TRAPPC9: variants seen among roughly 807,000 people sequenced by gnomAD.
TRAPPC9 encodes the protein trafficking protein particle complex subunit 9, also known as IKK2 binding protein.
In TRAPPC9, 83 loss-of-function variants were observed where a neutral mutation model predicts 124.0. The ratio of observed to expected loss-of-function variants is 0.67; its 90% CI spans 0.56 to 0.80. The LOEUF (loss-of-function observed/expected upper bound fraction) is 0.80, where lower values mean the gene tolerates loss of function less well. TRAPPC9 is among the 30% of genes least tolerant of loss of function. TRAPPC9 has a pLI of 0.00. For synonymous variants in TRAPPC9, 638 were observed against 617.5 expected, an observed-to-expected ratio of 1.03 and a Z score of -0.49; for missense variants, 1,302 against 1,508.3, an observed-to-expected ratio of 0.86 and a Z score of 2.27.
At chr8:140,044,730 T>C (rs191782315) in intron 17 of TRAPPC9, among the ~76,000 whole-genome samples, 14 of 152,306 alleles carry the variant, frequency 9.2e-5, no homozygotes, top group Admixed American at 2.0e-4. Context: ...TCGGGGAGAA[T>C]AAGTCCCTAT....
intron 15 of TRAPPC9, among the ~76,000 whole-genome samples, chr8:140,272,986 A>C (rs938294050): frequency 6.6e-6 from 1 of 152,200 alleles, no homozygotes; most frequent in Non-Finnish European, 1.5e-5. Context: ...TTACATGCCA[A>C]GCACTGTCTC....
chr8:140,440,461 C>T (rs2070973106), intron 2 of TRAPPC9, among the ~76,000 whole-genome samples: 1 of 151,810 alleles, frequency 6.6e-6, no homozygotes, highest in Admixed American at 6.6e-5. Context: ...GAGCCGAGAT[C>T]ATGCCACTGC....
At chr8:140,119,842 T>C (rs2060952698) in intron 17 of TRAPPC9, among the ~76,000 whole-genome samples, 1 of 152,132 alleles carries the variant, frequency 6.6e-6, no homozygotes, top group South Asian at 2.1e-4. Flanking sequence ...GAACCCCCCT[T>C]CCTCTCACCT....
At chr8:140,027,231 G>A (rs946438780) in intron 17 of TRAPPC9, among the ~76,000 whole-genome samples, 2 of 152,192 alleles carry the variant, frequency 1.3e-5, no homozygotes, top group Admixed American at 1.3e-4. Flanking sequence ...TGTAAATGCT[G>A]AGTGAGGCAA....
At chr8:140,173,654 C>A (rs1303244795) in intron 17 of TRAPPC9, among the ~76,000 whole-genome samples, 1 of 152,150 alleles carries the variant, frequency 6.6e-6, no homozygotes, top group East Asian at 1.9e-4. Context: ...CTTCTGGTCC[C>A]CACATACCTC....
rs1456189399 is a variant in TRAPPC9 at position 140,243,555 on chromosome 8, G to A, written c.2431+9222C>T. Among the ~76,000 whole-genome samples the A allele has an allele frequency of 2.0e-5, 3 of 152,136 alleles. No homozygotes were observed. The East Asian group carries it at 5.8e-4, about 29-fold the overall frequency. ...ATACAGATAAGCATATTTTCCCCAT[G>A]GTGTTCAAATTCATGGGATAAAATG... On this transcript the variant is annotated intron_variant, in intron 16 of 22. Coordinates refer to ENST00000438773, the MANE Select transcript of TRAPPC9 (RefSeq NM_001160372.4).
chr8:140,193,964 A>G (rs2062566940), intron 17 of TRAPPC9, among the ~76,000 whole-genome samples: 1 of 152,232 alleles, frequency 6.6e-6, no homozygotes, highest in African/African-American at 2.4e-5. Flanking sequence ...GAAAAGTCCA[A>G]AAAGCAGATT....
intron 21 of TRAPPC9, among the ~76,000 whole-genome samples, chr8:139,739,963 C>T (rs987286938): frequency 2.6e-5 from 4 of 152,164 alleles, no homozygotes; most frequent in Non-Finnish European, 4.4e-5. Context: ...CAGGTTTGAA[C>T]GCTGGCCCCA....
intron 9 of TRAPPC9, among the ~76,000 whole-genome samples, chr8:140,354,166 T>C (rs756110286): frequency 4.6e-5 from 7 of 152,236 alleles, no homozygotes; most frequent in Non-Finnish European, 1.0e-4. Flanking sequence ...TGTGCCATTC[T>C]AAACCTTTCA....
At chr8:139,976,298 G>A (rs754131917) in intron 19 of TRAPPC9, among the ~76,000 whole-genome samples, 1 of 152,136 alleles carries the variant, frequency 6.6e-6, no homozygotes, top group Non-Finnish European at 1.5e-5. Flanking sequence ...AAGGATTATG[G>A]ACATAAATGT....
chr8:140,316,323 A>T (rs1043100979), intron 9 of TRAPPC9, among the ~76,000 whole-genome samples: 1 of 152,190 alleles, frequency 6.6e-6, no homozygotes, highest in Non-Finnish European at 1.5e-5. Flanking sequence ...CTTTTGAGCT[A>T]TTAACAGCTT....
intron 9 of TRAPPC9, among the ~76,000 whole-genome samples, chr8:140,314,986 T>C (rs192263115): frequency 3.6e-4 from 55 of 152,364 alleles, no homozygotes; most frequent in Admixed American, 9.8e-4. Flanking sequence ...ACAGTGGTTC[T>C]ATTTTTAAGT....
intron 17 of TRAPPC9, among the ~76,000 whole-genome samples, chr8:140,157,718 T>C (rs1278345291): frequency 2.0e-5 from 3 of 152,178 alleles, no homozygotes; most frequent in African/African-American, 7.2e-5. Context: ...GGGGGTTCTT[T>C]TTCTAAGACT....
chr8:139,759,481 C>T (rs912407729), intron 21 of TRAPPC9, among the ~76,000 whole-genome samples: 4 of 152,082 alleles, frequency 2.6e-5, no homozygotes, highest in African/African-American at 7.2e-5. Context: ...GCCACGTGGG[C>T]GGTGCTGAAA....
intron 7 of TRAPPC9, among the ~76,000 whole-genome samples, chr8:140,385,721 C>T (rs1268757694): frequency 9.2e-5 from 14 of 152,132 alleles, no homozygotes; most frequent in Admixed American, 3.9e-4. Context: ...GATTCACAGC[C>T]GAATTCTACC....
chr8:140,311,130 A>T, intron 10 of TRAPPC9, 118 bp downstream of exon 10: 1 of 1,250,408 alleles, frequency 8.0e-7, no homozygotes, highest in Non-Finnish European at 1.1e-6. Flanking sequence ...TGAGATAATG[A>T]ACCCGATACA....
chr8:139,931,920 T>TCGCC, intron 19 of TRAPPC9: 1 of 191,136 alleles, frequency 5.2e-6, no homozygotes, highest in Non-Finnish European at 1.1e-5. Flanking sequence ...AATTCTGTGT[T>TCGCC]GAAAATAAAG....
intron 20 of TRAPPC9, among the ~76,000 whole-genome samples, chr8:139,905,098 C>G (rs1218069684): frequency 1.3e-5 from 2 of 152,152 alleles, no homozygotes. Flanking sequence ...TAGGTTTTAT[C>G]CAGAAAGCAT....
At chr8:140,183,370 C>A (rs1448674652) in intron 17 of TRAPPC9, among the ~76,000 whole-genome samples, 1 of 152,142 alleles carries the variant, frequency 6.6e-6, no homozygotes, top group East Asian at 1.9e-4. Context: ...AGAGGAGAGA[C>A]CATCAAGTCC....
Sources: gnomAD v4.1 joint callset for allele counts (sites outside exome capture counted in the v4.1 genomes callset) on GRCh38, gnomAD v4.1.1 for gene constraint, MANE v1.5 for transcripts, NCBI Gene and HGNC (gene_info 2026-07-23, HGNC 2026-07-21) for gene names.